TMEM165: variants seen among roughly 807,000 people sequenced by gnomAD.
TMEM165 encodes the protein transmembrane protein 165.
TMEM165 carries 19 observed loss-of-function variants against 30.0 expected under a neutral mutation model. The ratio of observed to expected loss-of-function variants is 0.63; its 90% CI spans 0.44 to 0.93. The LOEUF (loss-of-function observed/expected upper bound fraction) is 0.93. TMEM165 is among the 40% of genes least tolerant of loss of function. TMEM165 has a pLI of 0.00. For missense variants in TMEM165, 340 were observed against 417.0 expected (o/e 0.82, Z 1.61); for synonymous variants, 168 against 162.9 (o/e 1.03, Z -0.24).
At chr4:55,396,773 C>T (rs1213921573) in intron 1 of TMEM165, among the ~76,000 whole-genome samples, 3 of 152,188 alleles carry the variant, frequency 2.0e-5, no homozygotes, top group Non-Finnish European at 4.4e-5. Context: ...TGAGGATCAT[C>T]ACATCGGCCA....
intron 4 of TMEM165, among the ~76,000 whole-genome samples, chr4:55,421,079 G>A (rs1205636006): frequency 6.7e-6 from 1 of 150,072 alleles, no homozygotes. Context: ...CTACTCGGGA[G>A]GCTGAGACAG....
At chr4:55,436,062 C>G (rs1343291199) in intron 3 of TMEM165, among the ~76,000 whole-genome samples, 1 of 152,146 alleles carries the variant, frequency 6.6e-6, no homozygotes, top group Non-Finnish European at 1.5e-5. Context: ...CTGAATGGTT[C>G]AAACTTGGGC....
intron 1 of TMEM165, among the ~76,000 whole-genome samples, chr4:55,407,924 T>G (rs749538928): frequency 6.6e-6 from 1 of 152,172 alleles, no homozygotes; most frequent in Non-Finnish European, 1.5e-5. Context: ...CAGATGAACT[T>G]GAGTCACAGG....
rs770787680 is a variant in TMEM165, at chr4:55,411,599, AT to A, written c.208-5del. On this transcript the variant is annotated splice_polypyrimidine_tract_variant and intron_variant, in intron 1 of 5. Transcript: ENST00000381334. ...GAATAATGATTTTAAGAAGTAACTG[AT>A]TTTTTTTTTCCAGAAAATATTTACA... The A allele has an allele frequency of 7.0e-4, 1,031 of 1,471,158 alleles. No homozygotes were observed. Among genetic ancestry groups the A allele is most frequent in the Admixed American group, 1.2e-3 (64 of 53,382 alleles). 91.1% of individuals were successfully genotyped at this position (1,471,158 alleles called of 1,614,324 possible). A position where few individuals can be genotyped will look rare whatever the true frequency, so the allele number is the denominator to read the frequency against.
intron 3 of TMEM165, chr4:55,442,386 A>C (rs760479305): frequency 1.3e-6 from 2 of 1,502,582 alleles, no homozygotes; most frequent in Admixed American, 3.4e-5. Context: ...TTTTCTAATC[A>C]ATCGGTTTAC....
intron 3 of TMEM165, chr4:55,450,311 C>CA (rs1013888022): frequency 3.1e-5 from 49 of 1,563,084 alleles, no homozygotes; most frequent in African/African-American, 1.5e-4. Flanking sequence ...TTAACAACAA[C>CA]AAAAAAATCA....
At chr4:55,448,620 G>A (rs1317375348) in intron 3 of TMEM165, among the ~76,000 whole-genome samples, 1 of 150,724 alleles carries the variant, frequency 6.6e-6, no homozygotes, top group Non-Finnish European at 1.5e-5. Flanking sequence ...GTGTGTGTGT[G>A]TGTGTGTGTG....
intron 3 of TMEM165, chr4:55,431,618 G>C (rs1054149268): frequency 6.6e-6 from 1 of 152,162 alleles, no homozygotes; most frequent in African/African-American, 2.4e-5. Flanking sequence ...ACTCCTGTGG[G>C]ACTAAGGGCC....
At chr4:55,399,497 A>C (rs1043798463) in intron 1 of TMEM165, among the ~76,000 whole-genome samples, 1 of 152,186 alleles carries the variant, frequency 6.6e-6, no homozygotes, top group Non-Finnish European at 1.5e-5. Context: ...ACTATTTTGG[A>C]TTAAGTTAAT....
At chr4:55,442,763 G>A (rs1360959036) in intron 3 of TMEM165, 1 of 823,832 alleles carries the variant, frequency 1.2e-6, no homozygotes, top group Non-Finnish European at 2.0e-6. Flanking sequence ...TATTACTCTG[G>A]GGGAAATATA....
intron 2 of TMEM165, among the ~76,000 whole-genome samples, chr4:55,413,429 C>G (rs1395355564): frequency 6.6e-6 from 1 of 152,210 alleles, no homozygotes; most frequent in Non-Finnish European, 1.5e-5. Flanking sequence ...ATTTTCCTGC[C>G]TCAGCCTCCC....
chr4:55,419,680 C>A (rs1421615490), intron 4 of TMEM165, among the ~76,000 whole-genome samples: 2 of 152,056 alleles, frequency 1.3e-5, no homozygotes, highest in Non-Finnish European at 2.9e-5. Context: ...TTAACTGATA[C>A]TATTTCTTAT....
downstream of TMEM165, chr4:55,430,180 T>G (rs1722407414): frequency 1.3e-5 from 2 of 152,014 alleles, no homozygotes; most frequent in South Asian, 4.2e-4. Context: ...ACTTACTAGT[T>G]TGATTGTCAC....
chr4:55,443,815 G>A (rs1490163953), intron 3 of TMEM165: 2 of 1,614,070 alleles, frequency 1.2e-6, no homozygotes, highest in Admixed American at 1.7e-5. Context: ...ATAGGTGCAA[G>A]TTGCTGGATA....
At chr4:55,408,834 G>A (rs945397789) in intron 1 of TMEM165, among the ~76,000 whole-genome samples, 9 of 151,736 alleles carry the variant, frequency 5.9e-5, no homozygotes, top group African/African-American at 2.2e-4. Context: ...ATTTTTCTGG[G>A]ATTTCAGATC....
downstream of TMEM165, among the ~76,000 whole-genome samples, chr4:55,426,785 C>T (rs1722221162): frequency 6.6e-6 from 1 of 152,172 alleles, no homozygotes; most frequent in East Asian, 1.9e-4. Context: ...AGCAATTGTC[C>T]TACATGGTAA....
At chr4:55,436,877 A>G (rs1338875215) in intron 3 of TMEM165, among the ~76,000 whole-genome samples, 1 of 129,150 alleles carries the variant, frequency 7.7e-6, no homozygotes, top group Non-Finnish European at 1.7e-5. Context: ...TGTGGGTCCT[A>G]TGTCTTTGGG....
At chr4:55,400,280 AT>A (rs1720917604) in intron 1 of TMEM165, among the ~76,000 whole-genome samples, 1 of 98,438 alleles carries the variant, frequency 1.0e-5, no homozygotes, top group Non-Finnish European at 1.7e-5. Context: ...ATAATATAAT[AT>A]TATATATTAT....
chr4:55,426,013 T>C lies in TMEM165; in HGVS notation c.*561T>C, dbSNP rs1378044938. ...TGTCTGCCAGGTCATTCTTCCTCTT[T>C]TTTTTTTAATTGGGTAGGACACCCA... On this transcript the variant is annotated 3_prime_UTR_variant, in exon 6 of 6. Coordinates refer to ENST00000381334, the MANE Select transcript of TMEM165 (RefSeq NM_018475.5). 2 of 152,136 alleles carry C rather than the reference T, an allele frequency of 1.3e-5. No individual in the cohort carries two copies. The highest frequency in any genetic ancestry group is 2.9e-5 in the Non-Finnish European group (2 of 68,026). 9.4% of individuals were successfully genotyped at this position (152,136 alleles called of 1,614,324 possible).
Sources: gnomAD v4.1 joint callset for allele counts (sites outside exome capture counted in the v4.1 genomes callset) on GRCh38, gnomAD v4.1.1 for gene constraint, MANE v1.5 for transcripts, NCBI Gene and HGNC (gene_info 2026-07-23, HGNC 2026-07-21) for gene names.